ADAM12: variants seen among roughly 807,000 people sequenced by gnomAD.
The protein encoded by ADAM12 is disintegrin and metalloproteinase domain-containing protein 12.
In ADAM12, 70 loss-of-function variants were observed where a neutral mutation model predicts 106.4. That is an observed-to-expected ratio of 0.66 (90% CI 0.54 to 0.80). The LOEUF (loss-of-function observed/expected upper bound fraction) is 0.80. ADAM12 is among the 30% of genes least tolerant of loss of function. The pLI is 0.00. For synonymous variants in ADAM12, 420 were observed against 433.5 expected (o/e 0.97, Z 0.39); for missense variants, 1,010 against 1,171.9 (o/e 0.86, Z 2.02).
At chr10:126,146,565 G>A (rs1000300762) in intron 4 of ADAM12, among the ~76,000 whole-genome samples, 8 of 152,094 alleles carry the variant, frequency 5.3e-5, no homozygotes, top group African/African-American at 1.9e-4. Context: ...ACCCCCAGCT[G>A]ACAGAAAATT....
rs1232747147 is a variant in ADAM12 at position 126,278,834 on chromosome 10, C to T, written c.260+81G>A. ...TGCATTTCGTTCTTTGTTTCTAAAC[C>T]CCAACATAAATCACAGAGCACTTTT... On this transcript the variant is annotated intron_variant, in intron 3 of 22. Coordinates refer to ENST00000448723, the MANE Select transcript of ADAM12 (RefSeq NM_001288973.2). The T allele has an allele frequency of 5.5e-6, 6 of 1,086,558 alleles. No individual in the cohort carries two copies. The African/African-American group carries it at 6.4e-5, about 12-fold the overall frequency. The allele number at this position is 1,086,558 out of a possible 1,614,324, so 67.3% of individuals were successfully genotyped here.
chr10:126,229,070 G>A (rs892175106), intron 3 of ADAM12, among the ~76,000 whole-genome samples: 8 of 152,290 alleles, frequency 5.3e-5, no homozygotes, highest in African/African-American at 9.6e-5. Context: ...AGATGACCAC[G>A]CTAATGGAAA....
Position 126,019,840 on chromosome 10 carries a change from G to C in ADAM12, c.2530-15C>G. The C allele has an allele frequency of 6.2e-7, 1 of 1,605,974 alleles. No homozygotes were observed. The highest frequency in any genetic ancestry group is 8.5e-7 in the Non-Finnish European group (1 of 1,175,710). ...TTACAGGTCCCCTGCAATAAACATAGGGTTAGGCAGGGTCACTTACCAGGA... is the reference window on the plus strand; with the variant it reads ...TTACAGGTCCCCTGCAATAAACATACGGTTAGGCAGGGTCACTTACCAGGA... On this transcript the variant is annotated splice_polypyrimidine_tract_variant and intron_variant, in intron 21 of 22. Coordinates refer to ENST00000448723, the MANE Select transcript of ADAM12 (RefSeq NM_001288973.2).
intron 21 of ADAM12, among the ~76,000 whole-genome samples, chr10:126,028,503 T>C (rs892103166): frequency 2.0e-5 from 3 of 152,010 alleles, no homozygotes; most frequent in African/African-American, 7.2e-5. Flanking sequence ...GGAATAAGAC[T>C]GCACGCCTAC....
rs61278142 is a variant in ADAM12, at chr10:126,051,536, CCCATCCATCCATCCAT to C, written c.1610-1883_1610-1868del. Among the ~76,000 whole-genome samples the C allele has an allele frequency of 9.7e-3, 1,156 of 118,978 alleles. 37 individuals carry two copies. The highest frequency in any genetic ancestry group is 0.034 in the African/African-American group (1,068 of 31,022). The allele number at this position is 118,978 out of a possible 152,430, so 78.1% of individuals were successfully genotyped here. A position where few individuals can be genotyped will look rare whatever the true frequency, so the allele number is the denominator to read the frequency against. On this transcript the variant is annotated intron_variant, in intron 14 of 22. Transcript: ENST00000448723. ...ATCCATCCATCCAGCCAGCCAGCCA[CCCATCCATCCATCCAT>C]CCATCCATCCATCCATCCATCCATC...
Position 126,108,766 on chromosome 10 carries a change from C to A in ADAM12, c.670-102G>T. On this transcript the variant is annotated intron_variant, in intron 7 of 22. Transcript: ENST00000448723. ...TGAAGTCTTGGGATTTTACAAACCA[C>A]TGGGGACCCTCCACAGTTCACGGTA... 4.8e-6 allele frequency: 5 copies of A among 1,037,884 alleles called. No homozygotes were observed. The Admixed American group carries it at 7.6e-5, about 16-fold the overall frequency. The allele number at this position is 1,037,884 out of a possible 1,614,324, so 64.3% of individuals were successfully genotyped here.
intron 3 of ADAM12, among the ~76,000 whole-genome samples, chr10:126,231,738 C>T (rs1002511573): frequency 6.6e-6 from 1 of 152,204 alleles, no homozygotes; most frequent in African/African-American, 2.4e-5. Context: ...GAACTGCCTC[C>T]TGCCTCGGGG....
chr10:126,021,065 TGA>T (rs1488772804), intron 21 of ADAM12, among the ~76,000 whole-genome samples: 3 of 149,760 alleles, frequency 2.0e-5, no homozygotes, highest in Non-Finnish European at 4.4e-5. Context: ...TGGATACCCA[TGA>T]GAGAGGGGTT....
At chr10:126,107,630 C>T (rs976597180) in intron 8 of ADAM12, among the ~76,000 whole-genome samples, 1 of 152,168 alleles carries the variant, frequency 6.6e-6, no homozygotes, top group Non-Finnish European at 1.5e-5. Flanking sequence ...TGACCAGATC[C>T]CTTCTCACAC....
At chr10:126,364,100 A>G (rs1414893361) in intron 1 of ADAM12, among the ~76,000 whole-genome samples, 3 of 152,292 alleles carry the variant, frequency 2.0e-5, no homozygotes, top group South Asian at 2.1e-4. Context: ...GTACCTCTGT[A>G]CATGTCTAAA....
intron 3 of ADAM12, among the ~76,000 whole-genome samples, chr10:126,243,484 A>ATGTGT (rs1565162693): frequency 7.3e-6 from 1 of 137,252 alleles, no homozygotes; most frequent in African/African-American, 2.6e-5. Flanking sequence ...TGTGTGTGTG[A>ATGTGT]GTGTATGTGT....
At chr10:126,152,793 T>G (rs2133716775) in intron 4 of ADAM12, among the ~76,000 whole-genome samples, 1 of 152,290 alleles carries the variant, frequency 6.6e-6, no homozygotes, top group South Asian at 2.1e-4. Flanking sequence ...ATCTTGCTAT[T>G]TTATGTTTTT....
intron 6 of ADAM12, among the ~76,000 whole-genome samples, chr10:126,117,309 A>G (rs1446228806): frequency 6.6e-6 from 1 of 152,208 alleles, no homozygotes; most frequent in Non-Finnish European, 1.5e-5. Context: ...CAGGAAGGGA[A>G]GTCTGTCTGC....
intron 3 of ADAM12, among the ~76,000 whole-genome samples, chr10:126,169,790 C>T (rs948106438): frequency 1.3e-5 from 2 of 152,206 alleles, no homozygotes; most frequent in East Asian, 1.9e-4. Flanking sequence ...AAAGTTCAGC[C>T]GACTTATTTG....
intron 2 of ADAM12, among the ~76,000 whole-genome samples, chr10:126,287,930 C>T (rs1236713959): frequency 6.7e-6 from 1 of 148,526 alleles, no homozygotes; most frequent in Non-Finnish European, 1.5e-5. Context: ...ATTACAGTCC[C>T]CACACCCGGA....
intron 3 of ADAM12, among the ~76,000 whole-genome samples, chr10:126,161,890 A>G (rs1039081787): frequency 1.3e-5 from 2 of 152,186 alleles, no homozygotes; most frequent in African/African-American, 4.8e-5. Context: ...CAGAAGGTGA[A>G]TGCATAATTT....
intron 3 of ADAM12, among the ~76,000 whole-genome samples, chr10:126,242,524 A>G (rs1958546203): frequency 6.6e-6 from 1 of 152,188 alleles, no homozygotes; most frequent in Admixed American, 6.5e-5. Flanking sequence ...TCTGAGGGTT[A>G]CTTCCCTTCC....
intron 3 of ADAM12, among the ~76,000 whole-genome samples, chr10:126,192,200 G>A (rs1957515048): frequency 6.6e-6 from 1 of 152,170 alleles, no homozygotes; most frequent in Non-Finnish European, 1.5e-5. Flanking sequence ...ACTTCTCTGT[G>A]ACTGCTTTTT....
chr10:126,043,747 G>C lies in ADAM12; in HGVS notation c.1996-599C>G, dbSNP rs1434578303. On this transcript the variant is annotated intron_variant, in intron 17 of 22. Coordinates refer to ENST00000448723, the MANE Select transcript of ADAM12 (RefSeq NM_001288973.2). The surrounding 1 kb of genome is among the most constrained non-coding windows in gnomAD (Gnocchi z 4.1). ...AATACTTCCTGAAGCCTGTCCCCGTGTGTCCTTCCTGCAACGCCTGCCTCC... is the reference window on the plus strand; with the variant it reads ...AATACTTCCTGAAGCCTGTCCCCGTCTGTCCTTCCTGCAACGCCTGCCTCC... Among the ~76,000 whole-genome samples the C allele has an allele frequency of 6.6e-6, 1 of 152,224 alleles. No homozygotes were observed. Among genetic ancestry groups the C allele is most frequent in the Non-Finnish European group, 1.5e-5 (1 of 68,038 alleles).
Sources: gnomAD v4.1 joint callset for allele counts (sites outside exome capture counted in the v4.1 genomes callset) on GRCh38, gnomAD v4.1.1 for gene constraint, Gnocchi (gnomAD v3.1) non-coding constraint, MANE v1.5 for transcripts, NCBI Gene and HGNC (gene_info 2026-07-23, HGNC 2026-07-21) for gene names.